Variants in PEPD observed in about 807,000 individuals in gnomAD.
The protein encoded by PEPD is xaa-Pro dipeptidase.
A neutral mutation model predicts 60.7 loss-of-function variants in PEPD; 53 were observed. That is an observed-to-expected ratio of 0.87 (90% CI 0.70 to 1.10). PEPD has a LOEUF of 1.10. Among genes scored for constraint, PEPD ranks in the 50% least tolerant of loss-of-function variants. The probability of loss-of-function intolerance (pLI) is 0.00; values close to 1 mark genes in which losing one functional copy is unlikely to be tolerated. For synonymous variants in PEPD, 267 were observed against 284.1 expected (o/e 0.94, Z 0.60); for missense variants, 711 against 711.9 (o/e 1.00, Z 0.01).
Position 33,508,586 on chromosome 19 carries a change from G to A in PEPD, c.329+2442C>T, listed in dbSNP as rs556815359. On this transcript the variant is annotated intron_variant, in intron 3 of 14. Coordinates refer to ENST00000244137, the MANE Select transcript of PEPD (RefSeq NM_000285.4). ...AGATGGAAGGCTGGGCCTCATGCAC[G>A]CTGGCGGCTGGTGCTGCTGGCGGCT... 2.4e-4 allele frequency among the ~76,000 whole-genome samples: 36 copies of A among 152,302 alleles called. No individual in the cohort carries two copies. In the South Asian group the frequency reaches 6.8e-3, roughly 29 times the overall value.
rs533500324 is a variant in PEPD, at chr19:33,403,748, A to C, written c.819-1879T>G. On this transcript the variant is annotated intron_variant, in intron 11 of 14. Transcript: ENST00000244137. ...CAAAGTCCCCAGCCGGGCACTTTTT[A>C]ATCTCCTGTCTTTTCTGATTGCAAA... Among the ~76,000 whole-genome samples, 4 of 152,320 alleles carry C rather than the reference A, an allele frequency of 2.6e-5. No homozygotes were observed. The East Asian group carries it at 7.7e-4, about 29-fold the overall frequency.
At chr19:33,410,194 C>T (rs1300468662) in intron 11 of PEPD, among the ~76,000 whole-genome samples, 3 of 152,230 alleles carry the variant, frequency 2.0e-5, no homozygotes, top group South Asian at 2.1e-4. Context: ...CTCAACCTGC[C>T]GTGTTCCTAA....
Position 33,395,413 on chromosome 19 carries a change from C to T in PEPD, c.968-3934G>A, listed in dbSNP as rs373347783. Among the ~76,000 whole-genome samples the T allele has an allele frequency of 8.5e-5, 13 of 152,328 alleles. No individual in the cohort carries two copies. In the East Asian group the frequency reaches 2.1e-3, roughly 25 times the overall value. On this transcript the variant is annotated intron_variant, in intron 12 of 14. Coordinates refer to ENST00000244137, the MANE Select transcript of PEPD (RefSeq NM_000285.4). ...CTCTCCTGCAGCCAGTGTTGTGCCC[C>T]ATCCCCCACTCCTCTGTGTACTCAG...
intron 4 of PEPD, among the ~76,000 whole-genome samples, chr19:33,498,172 T>C (rs1357024373): frequency 6.6e-6 from 1 of 152,060 alleles, no homozygotes; most frequent in African/African-American, 2.4e-5. Context: ...GTGAGCCTTG[T>C]TCCCAGTAAA....
chr19:33,507,502 C>T (rs1225405307), intron 3 of PEPD, among the ~76,000 whole-genome samples: 3 of 152,170 alleles, frequency 2.0e-5, no homozygotes, highest in Admixed American at 1.3e-4. Context: ...ACAGCAAGAC[C>T]GTTTCCACAG....
At chr19:33,436,251 C>T (rs1461449937) in intron 9 of PEPD, among the ~76,000 whole-genome samples, 4 of 151,028 alleles carry the variant, frequency 2.6e-5, no homozygotes, top group African/African-American at 4.9e-5. Context: ...GAAGGAGAGG[C>T]GAGCAGGAAG....
At chr19:33,399,541 C>T (rs1319151726) in intron 12 of PEPD, among the ~76,000 whole-genome samples, 5 of 152,068 alleles carry the variant, frequency 3.3e-5, no homozygotes, top group Non-Finnish European at 5.9e-5. Context: ...GGCTCCTCAG[C>T]CTCTGGTGGG....
intron 6 of PEPD, among the ~76,000 whole-genome samples, chr19:33,489,782 C>CT (rs1314086709): frequency 1.8e-4 from 28 of 152,300 alleles, no homozygotes; most frequent in Non-Finnish European, 1.5e-5. Flanking sequence ...GAGCACTTTC[C>CT]TTATGGAGCA....
At position 33,504,570 on chromosome 19, in the gene PEPD, C is replaced by G. The variant is rs756166287; in HGVS notation, c.330-3569G>C. ...CCTGAGGTCAGGAGTTCAAGACCAG[C>G]CTGGCCAACATGGTAAAACCCTATC... On this transcript the variant is annotated intron_variant, in intron 3 of 14. Transcript: ENST00000244137. Among the ~76,000 whole-genome samples, 109 of 152,178 alleles carry G rather than the reference C, an allele frequency of 7.2e-4. 1 individual carries two copies. The highest frequency in any genetic ancestry group is 1.4e-3 in the Non-Finnish European group (93 of 68,032).
chr19:33,435,669 G>A (rs1969361889), intron 9 of PEPD, among the ~76,000 whole-genome samples: 1 of 152,262 alleles, frequency 6.6e-6, no homozygotes, highest in African/African-American at 2.4e-5. Context: ...CGCTTTGGCT[G>A]TTGTCCTCTG....
chr19:33,463,067 C>T, intron 8 of PEPD, 26 bp from the exon 9 acceptor site: 3 of 1,434,498 alleles, frequency 2.1e-6, no homozygotes, highest in Non-Finnish European at 3.0e-6. Flanking sequence ...TAAGCAAAGA[C>T]ATTTGTATTA....
intron 6 of PEPD, among the ~76,000 whole-genome samples, chr19:33,483,982 G>A (rs915968642): frequency 6.6e-6 from 1 of 152,220 alleles, no homozygotes; most frequent in Non-Finnish European, 1.5e-5. Flanking sequence ...TGCCATGGTT[G>A]TGAGGCCAGC....
chr19:33,505,050 A>G (rs1365230010), intron 3 of PEPD, among the ~76,000 whole-genome samples: 1 of 152,140 alleles, frequency 6.6e-6, no homozygotes, highest in Non-Finnish European at 1.5e-5. Flanking sequence ...TGGGAAGGAG[A>G]CATTAAATTA....
chr19:33,516,431 C>G (rs1022507325), intron 1 of PEPD, among the ~76,000 whole-genome samples: 3 of 152,130 alleles, frequency 2.0e-5, no homozygotes, highest in African/African-American at 7.2e-5. Context: ...ACCCACAGAA[C>G]AAGTCTCTGA....
Position 33,442,546 on chromosome 19 carries a change from AT to A in PEPD, c.671+20448del, listed in dbSNP as rs762578445. On this transcript the variant is annotated intron_variant, in intron 9 of 14. Transcript: ENST00000244137. ...AAAACCCATCTCTACTAAAAATAAA[AT>A]AAAAAAAAAAAATTAGCCGGGCGTG... Among the ~76,000 whole-genome samples the A allele has an allele frequency of 6.1e-3, 814 of 133,286 alleles. 10 individuals are homozygous for A. The highest frequency in any genetic ancestry group is 0.02 in the African/African-American group (702 of 34,274). 87.4% of individuals were successfully genotyped at this position (133,286 alleles called of 152,430 possible).
At chr19:33,422,626 T>C (rs1051536489) in intron 9 of PEPD, among the ~76,000 whole-genome samples, 2 of 110,968 alleles carry the variant, frequency 1.8e-5, no homozygotes, top group African/African-American at 3.8e-5. Flanking sequence ...CATCCCTCTA[T>C]CATCTATCTA....
At chr19:33,459,716 AGAT>A (rs1374843067) in intron 9 of PEPD, among the ~76,000 whole-genome samples, 1 of 151,844 alleles carries the variant, frequency 6.6e-6, no homozygotes, top group Non-Finnish European at 1.5e-5. Flanking sequence ...AACAAATCAT[AGAT>A]AATAAAACAA....
chr19:33,431,665 C>T (rs1969277083), intron 9 of PEPD, among the ~76,000 whole-genome samples: 1 of 152,048 alleles, frequency 6.6e-6, no homozygotes. Context: ...AGTGGAGGGA[C>T]CACTCTTTCC....
intron 7 of PEPD, among the ~76,000 whole-genome samples, chr19:33,465,830 C>G (rs899072757): frequency 1.3e-5 from 2 of 152,030 alleles, no homozygotes; most frequent in Non-Finnish European, 2.9e-5. Context: ...ATTATAGAAC[C>G]CTACACCCAG....
Sources: gnomAD v4.1 joint callset for allele counts (sites outside exome capture counted in the v4.1 genomes callset) on GRCh38, gnomAD v4.1.1 for gene constraint, MANE v1.5 for transcripts, NCBI Gene and HGNC (gene_info 2026-07-23, HGNC 2026-07-21) for gene names.